The following DSCAML1 variants were observed in gnomAD, a reference collection of about 807,000 sequenced individuals.
The protein encoded by DSCAML1 is DS cell adhesion molecule like 1, also known as cell adhesion molecule DSCAML1.
DSCAML1 carries 38 observed loss-of-function variants against 200.5 expected under a neutral mutation model. That is an observed-to-expected ratio of 0.19 (90% confidence interval 0.15 to 0.25). The LOEUF is 0.25. Ranked by LOEUF, DSCAML1 falls within the 10% of genes least tolerant of loss-of-function variation. The probability of loss-of-function intolerance (pLI) is 1.00; values close to 1 mark genes in which losing one functional copy is unlikely to be tolerated. For synonymous variants in DSCAML1, 1,215 were observed against 1,165.0 expected, an observed-to-expected ratio of 1.04 and a Z score of -0.87; for missense variants, 2,223 against 2,858.8, an observed-to-expected ratio of 0.78 and a Z score of 5.07.
chr11:117,660,577 T>C (rs1319834274), intron 3 of DSCAML1, among the ~76,000 whole-genome samples: 2 of 152,154 alleles, frequency 1.3e-5, no homozygotes, highest in South Asian at 2.1e-4. Context: ...CCGGGGCTAA[T>C]AGATCCATGG....
chr11:117,458,642 G>T, intron 19 of DSCAML1, 112 bp downstream of exon 19: 1 of 1,366,680 alleles, frequency 7.3e-7, no homozygotes, highest in Non-Finnish European at 1.0e-6. Flanking sequence ...CCCACAGTTT[G>T]AAGGCCAGGA....
At chr11:117,590,473 C>T (rs911124039) in intron 3 of DSCAML1, among the ~76,000 whole-genome samples, 5 of 152,156 alleles carry the variant, frequency 3.3e-5, no homozygotes, top group African/African-American at 1.2e-4. Context: ...CAGAAAGCAG[C>T]AGCCAGACAC....
At chr11:117,458,472 G>C (rs1374602021) in intron 19 of DSCAML1, among the ~76,000 whole-genome samples, 2 of 152,186 alleles carry the variant, frequency 1.3e-5, no homozygotes, top group Non-Finnish European at 1.5e-5. Flanking sequence ...GAATGCCCAT[G>C]GTGTGGGAGG....
chr11:117,762,798 G>A (rs1411708870), intron 3 of DSCAML1, among the ~76,000 whole-genome samples: 2 of 151,930 alleles, frequency 1.3e-5, no homozygotes, highest in African/African-American at 4.8e-5. Context: ...ATGAGGTGGA[G>A]GTTGCAGTGA....
At chr11:117,623,788 C>A (rs1336293584) in intron 3 of DSCAML1, among the ~76,000 whole-genome samples, 1 of 152,202 alleles carries the variant, frequency 6.6e-6, no homozygotes, top group Non-Finnish European at 1.5e-5. Flanking sequence ...TTGTTAACCT[C>A]ATCTCCCAAT....
At chr11:117,484,224 AT>A (rs1347265878) in intron 11 of DSCAML1, among the ~76,000 whole-genome samples, 2 of 152,182 alleles carry the variant, frequency 1.3e-5, no homozygotes, top group Admixed American at 6.5e-5. Flanking sequence ...CTTTGAAGAA[AT>A]GAGGGGAGCC....
chr11:117,458,772 T>A lies in DSCAML1; in HGVS notation c.3550A>T (p.Ile1184Phe). The change falls in exon 19 of 33, where the codon ATC becomes TTC. Residue 1184 changes from isoleucine (I) to phenylalanine (F), a missense_variant. Coordinates refer to ENST00000651296, the MANE Select transcript of DSCAML1 (RefSeq NM_020693.4). Reference protein sequence around the residue: ...GDGVRSSVLYIQTKEDVPGPP... With the variant: ...GDGVRSSVLYFQTKEDVPGPP... ...GACTCACCGTCCTCCTTGGTCTGGA[T>A]GTAGAGCACACTGCTGCGTACGCCG... The A allele has an allele frequency of 1.2e-6, 2 of 1,613,544 alleles. No individual in the cohort carries two copies. The highest frequency in any genetic ancestry group is 8.5e-7 in the Non-Finnish European group (1 of 1,179,982).
intron 3 of DSCAML1, among the ~76,000 whole-genome samples, chr11:117,636,826 T>C (rs920502804): frequency 1.3e-5 from 2 of 152,188 alleles, no homozygotes; most frequent in East Asian, 1.9e-4. Context: ...TTAAAACTTA[T>C]ACATGAAAAG....
At chr11:117,483,686 T>A (rs2137223615) in intron 11 of DSCAML1, among the ~76,000 whole-genome samples, 1 of 152,338 alleles carries the variant, frequency 6.6e-6, no homozygotes, top group South Asian at 2.1e-4. Context: ...GAGAATCTGC[T>A]TGAGCCAAGG....
chr11:117,752,035 G>C (rs2054613961), intron 3 of DSCAML1, among the ~76,000 whole-genome samples: 1 of 144,920 alleles, frequency 6.9e-6, no homozygotes, highest in African/African-American at 2.9e-5. Flanking sequence ...ACAAACCTCA[G>C]CTCTGTGTGT....
In DSCAML1 at chr11:117,437,388, T is replaced by C. The variant is rs569617987; in HGVS notation, c.4454A>G (p.Gln1485Arg). The change falls in exon 26 of 33, where the codon CAA (glutamine) becomes CGA (arginine). Residue 1485 changes from glutamine (Q) to arginine (R), a missense_variant. By Grantham distance (43) the Gln-to-Arg change is conservative. Coordinates refer to ENST00000651296, the MANE Select transcript of DSCAML1 (RefSeq NM_020693.4). This position sits in a 1 kb window ranked among gnomAD's most constrained non-coding sequence, Gnocchi z 5.3. ...HGREPSFSKD[Q>R]HLFTHINSTH... ...GGAGTTGATGTGGGTGAAGAGGTGT[T>C]GGTCTTTGCTGAAGGAGGGCTCTGG... 12 of 1,612,506 alleles carry C rather than the reference T, an allele frequency of 7.4e-6. No individual in the cohort carries two copies. The South Asian group carries it at 1.2e-4, about 16-fold the overall frequency.
rs768061825 is a variant in DSCAML1, at chr11:117,428,612, C to T, written c.5878G>A (p.Ala1960Thr). The T allele has an allele frequency of 1.2e-6, 2 of 1,606,852 alleles. No homozygotes were observed. Among genetic ancestry groups the T allele is most frequent in the South Asian group, 1.1e-5 (1 of 89,618 alleles). Residue 1960 changes from alanine to threonine, a missense_variant, in exon 33 of 33, where the codon GCC becomes ACC. Physicochemically the swap from Ala to Thr is moderately conservative, Grantham distance 58. Coordinates refer to ENST00000651296, the MANE Select transcript of DSCAML1 (RefSeq NM_020693.4). ...GTGGCTGTGGAGGCGGCAGCGGGGG[C>T]CCCTGGGTGGGGAAGGCCCAAGGAC... ...SKSLGLPHPG[A>T]PAAASTATLP...
chr11:117,527,115 T>C (rs1007835246), intron 4 of DSCAML1, among the ~76,000 whole-genome samples: 2 of 152,180 alleles, frequency 1.3e-5, no homozygotes, highest in Non-Finnish European at 2.9e-5. Flanking sequence ...TGAGCTATGA[T>C]TGTGCTACTG....
At chr11:117,685,300 C>T (rs568913876) in intron 3 of DSCAML1, among the ~76,000 whole-genome samples, 10 of 152,300 alleles carry the variant, frequency 6.6e-5, no homozygotes, top group South Asian at 2.1e-4. Context: ...AGAAAATTAA[C>T]GGTCAGAGCT....
chr11:117,481,110 A>T (rs2048906208), intron 13 of DSCAML1, 64 bp downstream of exon 13: 1 of 1,463,178 alleles, frequency 6.8e-7, no homozygotes, highest in Non-Finnish European at 9.6e-7. Flanking sequence ...TTTGAGGTGG[A>T]GTTAGCGGTG....
chr11:117,677,008 T>C (rs2053227813), intron 3 of DSCAML1, among the ~76,000 whole-genome samples: 1 of 151,532 alleles, frequency 6.6e-6, no homozygotes, highest in South Asian at 2.1e-4. Flanking sequence ...CCCTGATCAG[T>C]GATGGACTTG....
chr11:117,768,239 G>A (rs1006953125), intron 3 of DSCAML1, among the ~76,000 whole-genome samples: 7 of 152,094 alleles, frequency 4.6e-5, no homozygotes, highest in Admixed American at 4.6e-4. Flanking sequence ...TGTTTATCAG[G>A]TACCCTGCAA....
intron 3 of DSCAML1, among the ~76,000 whole-genome samples, chr11:117,711,424 A>AACTCAG (rs2053847272): frequency 6.6e-6 from 1 of 152,188 alleles, no homozygotes; most frequent in Admixed American, 6.5e-5. Context: ...TTGATAAACT[A>AACTCAG]ACTCAGGGGT....
intron 12 of DSCAML1, 62 bp downstream of exon 12, chr11:117,481,901 A>C (rs2048930283): frequency 6.3e-7 from 1 of 1,595,266 alleles, no homozygotes; most frequent in African/African-American, 1.3e-5. Context: ...CAGATGTGAT[A>C]GCTGCGGGCT....
Sources: allele counts gnomAD v4.1 joint callset (sites outside exome capture counted in the v4.1 genomes callset), GRCh38; gene constraint gnomAD v4.1.1; non-coding constraint Gnocchi (gnomAD v3.1); transcripts MANE v1.5; gene names NCBI Gene and HGNC (gene_info 2026-07-23, HGNC 2026-07-21).